Variants in PDE11A observed in about 807,000 individuals in gnomAD.
PDE11A encodes the protein phosphodiesterase 11A.
PDE11A carries 100 observed loss-of-function variants against 100.5 expected under a neutral mutation model. That is an observed-to-expected ratio of 1.00 (90% confidence interval 0.85 to 1.18). The LOEUF is 1.18. Among genes scored for constraint, PDE11A ranks in the 50% most tolerant of loss-of-function variants. PDE11A has a pLI of 0.00. For missense variants in PDE11A, 1,141 were observed against 1,152.6 expected (o/e 0.99, Z 0.15); for synonymous variants, 381 against 420.8 (o/e 0.91, Z 1.16).
At chr2:177,824,296 A>T (rs1285357495) in intron 6 of PDE11A, among the ~76,000 whole-genome samples, 1 of 152,244 alleles carries the variant, frequency 6.6e-6, no homozygotes, top group Non-Finnish European at 1.5e-5. Flanking sequence ...TGGAGTCACC[A>T]GTCCTCTGGG....
chr2:177,724,532 A>G (rs964058365), intron 12 of PDE11A, among the ~76,000 whole-genome samples: 3 of 152,106 alleles, frequency 2.0e-5, no homozygotes, highest in Non-Finnish European at 4.4e-5. Flanking sequence ...GTGACACACA[A>G]CTATGCATTT....
At chr2:177,658,886 A>C (rs2105471122) in intron 19 of PDE11A, among the ~76,000 whole-genome samples, 1 of 152,232 alleles carries the variant, frequency 6.6e-6, no homozygotes, top group South Asian at 2.1e-4. Context: ...ACTATATTTT[A>C]AAGTTTTTTC....
chr2:177,997,264 G>A, intron 2 of PDE11A: 1 of 1,205,178 alleles, frequency 8.3e-7, no homozygotes, highest in Non-Finnish European at 1.2e-6. Context: ...TTCCCTGAAG[G>A]CTCCTCTCAT....
At chr2:177,689,184 G>A (rs896373556) in intron 15 of PDE11A, among the ~76,000 whole-genome samples, 2 of 152,170 alleles carry the variant, frequency 1.3e-5, no homozygotes, top group African/African-American at 4.8e-5. Flanking sequence ...TCGGGTTCAA[G>A]AGATTCTCCT....
chr2:178,102,469 T>TC (rs2087571937), intron 2 of PDE11A, among the ~76,000 whole-genome samples: 1 of 137,252 alleles, frequency 7.3e-6, no homozygotes, highest in Non-Finnish European at 1.5e-5. Flanking sequence ...AGATGGGGTT[T>TC]CACCATATTG....
At chr2:178,006,030 C>T (rs550352472) in intron 2 of PDE11A, among the ~76,000 whole-genome samples, 1 of 152,196 alleles carries the variant, frequency 6.6e-6, no homozygotes, top group East Asian at 1.9e-4. Context: ...CTGAAAGGGG[C>T]CTGTAAATCT....
chr2:177,997,482 G>A, intron 2 of PDE11A: 3 of 812,990 alleles, frequency 3.7e-6, no homozygotes, highest in South Asian at 2.7e-5. Flanking sequence ...ATGTGGAAGA[G>A]ATCCTTGATT....
In PDE11A at chr2:177,623,466, G is replaced by A. The variant is rs984381140; in HGVS notation, c.*5941C>T. On this transcript the variant is annotated 3_prime_UTR_variant, in exon 20 of 20. Coordinates refer to ENST00000286063, the MANE Select transcript of PDE11A (RefSeq NM_016953.4). ...CTTTCGTGTAAAACAATAATAATTA[G>A]GAAGGAAGTCAGTAGGAGATCCTTT... 2.0e-4 allele frequency: 31 copies of A among 152,324 alleles called. No individual in the cohort carries two copies. Among genetic ancestry groups the A allele is most frequent in the African/African-American group, 7.2e-4 (30 of 41,582 alleles). The allele number at this position is 152,324 out of a possible 1,614,324, so 9.4% of individuals were successfully genotyped here.
intron 17 of PDE11A, among the ~76,000 whole-genome samples, chr2:177,673,961 G>A (rs369043991): frequency 1.1e-4 from 17 of 152,228 alleles, no homozygotes; most frequent in East Asian, 3.9e-4. Flanking sequence ...ACAAAGTGGC[G>A]CCTGCCAACC....
intron 2 of PDE11A, among the ~76,000 whole-genome samples, chr2:177,919,073 T>A (rs2084997363): frequency 6.6e-6 from 1 of 151,592 alleles, no homozygotes; most frequent in African/African-American, 2.4e-5. Context: ...ATAAGAAACA[T>A]TCTAAATAAA....
intron 2 of PDE11A, among the ~76,000 whole-genome samples, chr2:177,987,835 T>C (rs2085958243): frequency 6.6e-6 from 1 of 152,248 alleles, no homozygotes. Flanking sequence ...CCAGGCGATA[T>C]TCTTTTATTA....
chr2:177,935,823 A>T (rs2105767726), intron 2 of PDE11A, among the ~76,000 whole-genome samples: 1 of 152,312 alleles, frequency 6.6e-6, no homozygotes, highest in African/African-American at 2.4e-5. Flanking sequence ...GCCAAAAGGG[A>T]GTAATAGGGA....
At chr2:178,006,557 A>AC (rs1179952355) in intron 2 of PDE11A, among the ~76,000 whole-genome samples, 1 of 152,202 alleles carries the variant, frequency 6.6e-6, no homozygotes, top group East Asian at 1.9e-4. Context: ...ATAGAAAAAA[A>AC]ATCCCTGAAG....
chr2:177,833,858 CCCA>C (rs889387939), intron 6 of PDE11A, among the ~76,000 whole-genome samples: 5 of 152,182 alleles, frequency 3.3e-5, no homozygotes, highest in Non-Finnish European at 5.9e-5. Context: ...TCCAACCTGC[CCCA>C]CAAGTGTTAC....
At chr2:178,043,482 C>T (rs1413254116) in intron 1 of PDE11A, among the ~76,000 whole-genome samples, 1 of 152,152 alleles carries the variant, frequency 6.6e-6, no homozygotes, top group African/African-American at 2.4e-5. Context: ...TCTTGATCTT[C>T]TAAGCCAGTA....
intron 1 of PDE11A, among the ~76,000 whole-genome samples, chr2:178,016,533 T>C (rs2086340141): frequency 1.3e-5 from 2 of 152,104 alleles, no homozygotes; most frequent in Middle Eastern, 6.8e-3. Flanking sequence ...TGCAATCAAG[T>C]AGGTGAGGCA....
Position 177,629,446 on chromosome 2 carries a change from G to GGAC in PDE11A, c.2762_2763insGTC (p.Ser921dup), listed in dbSNP as rs67772336. On this transcript the variant is annotated inframe_insertion, in exon 20 of 20. Transcript: ENST00000286063. ...CCTTGGCTACCATAACACTGGCAGG[G>GGAC]GAGGATGAGGCAGTTGAGGCCAGCA... 7 of 1,490,034 alleles carry GGAC rather than the reference G, an allele frequency of 4.7e-6. No individual in the cohort carries two copies. Among genetic ancestry groups the GGAC allele is most frequent in the Non-Finnish European group, 5.4e-6 (6 of 1,116,478 alleles). 92.3% of individuals were successfully genotyped at this position (1,490,034 alleles called of 1,614,324 possible). A position where few individuals can be genotyped will look rare whatever the true frequency, so the allele number is the denominator to read the frequency against.
chr2:178,085,090 T>C (rs1209160917), intron 2 of PDE11A, among the ~76,000 whole-genome samples: 1 of 152,318 alleles, frequency 6.6e-6, no homozygotes, highest in East Asian at 1.9e-4. Context: ...ACAGTCTATA[T>C]GCCATGTGAA....
chr2:177,631,138 T>C (rs1241301579), intron 19 of PDE11A, among the ~76,000 whole-genome samples: 4 of 151,796 alleles, frequency 2.6e-5, no homozygotes, highest in Non-Finnish European at 5.9e-5. Flanking sequence ...CTTTCTATTA[T>C]GTTTCTAACT....
Sources: gnomAD v4.1 joint callset for allele counts (sites outside exome capture counted in the v4.1 genomes callset) on GRCh38, gnomAD v4.1.1 for gene constraint, MANE v1.5 for transcripts, NCBI Gene and HGNC (gene_info 2026-07-23, HGNC 2026-07-21) for gene names.